Variants in KMT5C observed in about 807,000 individuals in gnomAD.
The protein encoded by KMT5C is histone-lysine N-methyltransferase KMT5C.
In KMT5C, 16 loss-of-function variants were observed where a neutral mutation model predicts 38.2. The observed-to-expected ratio is 0.42, with a 90% CI of 0.28 to 0.64. The LOEUF is 0.64. Ranked by LOEUF, KMT5C falls within the 30% of genes least tolerant of loss-of-function variation. The probability of loss-of-function intolerance (pLI) is 0.23; values close to 1 mark genes in which losing one functional copy is unlikely to be tolerated. For synonymous variants in KMT5C, 291 were observed against 279.0 expected, an observed-to-expected ratio of 1.04 and a Z score of -0.43; for missense variants, 598 against 665.1, an observed-to-expected ratio of 0.90 and a Z score of 1.11.
Position 55,346,609 on chromosome 19 carries a change from G to C in KMT5C, c.817G>C (p.Asp273His). ...ETKRRLQQGL[D>H]SGSRQGLLGP... Reference sequence around the variant, plus strand: ...CAAGCGGCGGCTGCAGCAAGGCCTGGACAGTGGCAGCCGACAGGGCCTGCT... The same window carrying C: ...CAAGCGGCGGCTGCAGCAAGGCCTGCACAGTGGCAGCCGACAGGGCCTGCT... Residue 273 changes from aspartate (D) to histidine (H), a missense_variant, in exon 8 of 9, where the codon GAC (aspartate) becomes CAC (histidine). Physicochemically the swap from Asp to His is moderately conservative, Grantham distance 81. This residue lies in a region of KMT5C where 326 missense variants were observed against 298.1 expected (regional missense o/e 1.09). Coordinates refer to ENST00000255613, the MANE Select transcript of KMT5C (RefSeq NM_032701.4). 1 of 1,573,918 alleles carries C rather than the reference G, an allele frequency of 6.4e-7. No homozygotes were observed. Among genetic ancestry groups the C allele is most frequent in the Non-Finnish European group, 8.6e-7 (1 of 1,160,612 alleles).
In KMT5C at chr19:55,347,670, C is replaced by A; in HGVS notation, c.*221C>A. ...CCACCCCCACTCCCACAGGGAGCCCCGGCCATTTGCTGCCCTCCCCACCCC... is the reference window on the plus strand; with the variant it reads ...CCACCCCCACTCCCACAGGGAGCCCAGGCCATTTGCTGCCCTCCCCACCCC... On this transcript the variant is annotated 3_prime_UTR_variant, in exon 9 of 9. Transcript: ENST00000255613. This position sits in a 1 kb window ranked among gnomAD's most constrained non-coding sequence, Gnocchi z 4.6. 7.3e-6 allele frequency: 5 copies of A among 683,926 alleles called. No individual in the cohort carries two copies. The highest frequency in any genetic ancestry group is 6.6e-6 in the Non-Finnish European group (3 of 453,376). The allele number at this position is 683,926 out of a possible 1,614,324, so 42.4% of individuals were successfully genotyped here.
chr19:55,347,598 C>G lies in KMT5C; in HGVS notation c.*149C>G. 1 of 1,291,222 alleles carries G rather than the reference C, an allele frequency of 7.7e-7. No individual in the cohort carries two copies. The highest frequency in any genetic ancestry group is 1.0e-6 in the Non-Finnish European group (1 of 983,432). The allele number at this position is 1,291,222 out of a possible 1,614,324, so 80.0% of individuals were successfully genotyped here. A position where few individuals can be genotyped will look rare whatever the true frequency, so the allele number is the denominator to read the frequency against. ...CCCTGGAATGGGGTTGGTTTGGACA[C>G]CCCCAGGGATCTGAGCCCTGACCCT... On this transcript the variant is annotated 3_prime_UTR_variant, in exon 9 of 9. Transcript: ENST00000255613. The surrounding 1 kb of genome is among the most constrained non-coding windows in gnomAD (Gnocchi z 4.6).
chr19:55,341,429 G>T (rs947178031), intron 1 of KMT5C, among the ~76,000 whole-genome samples: 16 of 152,214 alleles, frequency 1.1e-4, no homozygotes, highest in Admixed American at 1.0e-3. Flanking sequence ...TCGGGCTGGC[G>T]GGAAGCTTTG....
In KMT5C at chr19:55,344,619, C is replaced by T. The variant is rs1450153941; in HGVS notation, c.570+622C>T. 3 of 487,422 alleles carry T rather than the reference C, an allele frequency of 6.2e-6. 1 individual carries two copies. The highest frequency in any genetic ancestry group is 4.5e-5 in the Admixed American group (2 of 44,780). The allele number at this position is 487,422 out of a possible 1,614,324, so 30.2% of individuals were successfully genotyped here. A position where few individuals can be genotyped will look rare whatever the true frequency, so the allele number is the denominator to read the frequency against. The stretch of plus-strand genomic sequence containing the variant: ...GGGAGTGTGGCAGGGAGGCAGGGCC[C>T]TGTGGTGGGAGCCCCCGGCCTTGCA... On this transcript the variant is annotated intron_variant, in intron 6 of 8. Transcript: ENST00000255613.
Position 55,343,251 on chromosome 19 carries a change from T to C in KMT5C, c.386+400T>C, listed in dbSNP as rs1294153538. ...AGACAAGTCAACATGCAGTCACTGG[T>C]CCCAGCTGGTACATGCTGCAGGGGA... On this transcript the variant is annotated intron_variant, in intron 4 of 8. Transcript: ENST00000255613. This position sits in a 1 kb window ranked among gnomAD's most constrained non-coding sequence, Gnocchi z 5.5. 7 of 307,206 alleles carry C rather than the reference T, an allele frequency of 2.3e-5. No homozygotes were observed. Among genetic ancestry groups the C allele is most frequent in the South Asian group, 7.9e-5 (2 of 25,228 alleles). 19.0% of individuals were successfully genotyped at this position (307,206 alleles called of 1,614,324 possible). A position where few individuals can be genotyped will look rare whatever the true frequency, so the allele number is the denominator to read the frequency against.
chr19:55,347,414 T>A lies in KMT5C; in HGVS notation c.1354T>A (p.Ser452Thr), dbSNP rs762451994. Residue 452 changes from serine (S) to threonine (T), a missense_variant, in exon 9 of 9, where the codon TCC (serine) becomes ACC (threonine). Physicochemically the swap from Ser to Thr is moderately conservative, Grantham distance 58. This residue lies in a region of KMT5C where 326 missense variants were observed against 298.1 expected (regional missense o/e 1.09). Transcript: ENST00000255613. This position sits in a 1 kb window ranked among gnomAD's most constrained non-coding sequence, Gnocchi z 4.6. ...CCTACGGCTGGTGGTCAGCCACGGCTCCATCGACCTGGATGTCGGCGGTGA... is the reference window on the plus strand; with the variant it reads ...CCTACGGCTGGTGGTCAGCCACGGCACCATCGACCTGGATGTCGGCGGTGA... ...KRLRLVVSHG[S>T]IDLDVGGEEL The A allele has an allele frequency of 1.3e-6, 2 of 1,562,346 alleles. No individual in the cohort carries two copies. Among genetic ancestry groups the A allele is most frequent in the Non-Finnish European group, 8.6e-7 (1 of 1,161,220 alleles).
intron 6 of KMT5C, among the ~76,000 whole-genome samples, chr19:55,345,553 C>T (rs953009841): frequency 1.3e-5 from 2 of 152,040 alleles, no homozygotes; most frequent in African/African-American, 4.8e-5. Context: ...GTCTGGGGGC[C>T]GTCAGGCAGG....
In KMT5C at chr19:55,342,879, TC is replaced by T. The variant is rs747863406; in HGVS notation, c.386+30del. ...AAGAGGGCAGGACTCCCTGCAGGTA[TC>T]CTTGGAGGAGACAGAGCTCAGAGGG... On this transcript the variant is annotated intron_variant, in intron 4 of 8. Coordinates refer to ENST00000255613, the MANE Select transcript of KMT5C (RefSeq NM_032701.4). The T allele has an allele frequency of 4.0e-5, 53 of 1,330,040 alleles. No individual in the cohort carries two copies. In the African/African-American group the frequency reaches 6.2e-4, roughly 16 times the overall value. 82.4% of individuals were successfully genotyped at this position (1,330,040 alleles called of 1,614,324 possible). A position where few individuals can be genotyped will look rare whatever the true frequency, so the allele number is the denominator to read the frequency against.
At chr19:55,345,348 C>G (rs1438083340) in intron 6 of KMT5C, among the ~76,000 whole-genome samples, 1 of 152,158 alleles carries the variant, frequency 6.6e-6, no homozygotes, top group Non-Finnish European at 1.5e-5. Flanking sequence ...AAGCTCCCCC[C>G]AGGGTGTATA....
rs1379493168 is a variant in KMT5C at position 55,346,355 on chromosome 19, A to C, written c.707+6A>C. Reference sequence around the variant, plus strand: ...GAATGCCACACCTGTGAGAGGTGGGACCGGGCGAGAGGCGGCTGGGTTCGG... The same window carrying C: ...GAATGCCACACCTGTGAGAGGTGGGCCCGGGCGAGAGGCGGCTGGGTTCGG... On this transcript the variant is annotated splice_donor_region_variant and intron_variant, in intron 7 of 8. Transcript: ENST00000255613. 2 of 1,613,968 alleles carry C rather than the reference A, an allele frequency of 1.2e-6. No homozygotes were observed. Among genetic ancestry groups the C allele is most frequent in the South Asian group, 2.2e-5 (2 of 91,082 alleles).
intron 6 of KMT5C, chr19:55,345,040 C>T (rs1367047052): frequency 4.4e-6 from 2 of 456,038 alleles, no homozygotes; most frequent in Admixed American, 4.7e-5. Flanking sequence ...ACACCACACA[C>T]AGACGCTGGG....
At position 55,343,561 on chromosome 19, in the gene KMT5C, A is replaced by G. The variant is rs898919443; in HGVS notation, c.387-119A>G. ...TCTGGAAGATGGATCGCCAATAGCC[A>G]GCACCAGCGCCCAGGAGTCCCTCCT... is the stretch of plus-strand genomic sequence containing the variant. On this transcript the variant is annotated intron_variant, in intron 4 of 8. Transcript: ENST00000255613. The surrounding 1 kb of genome is among the most constrained non-coding windows in gnomAD (Gnocchi z 5.5). The G allele has an allele frequency of 1.0e-6, 1 of 961,694 alleles. No homozygotes were observed. The highest frequency in any genetic ancestry group is 2.4e-5 in the Admixed American group (1 of 40,906). 59.6% of individuals were successfully genotyped at this position (961,694 alleles called of 1,614,324 possible).
In KMT5C at chr19:55,347,132, C is replaced by T. The variant is rs1335371579; in HGVS notation, c.1072C>T (p.Arg358Ter). 3 of 1,542,396 alleles carry T rather than the reference C, an allele frequency of 1.9e-6. No homozygotes were observed. Among genetic ancestry groups the T allele is most frequent in the Non-Finnish European group, 2.6e-6 (3 of 1,150,782 alleles). ...THHAARVSLH[R>*]WGGCGPHCRL... ...CCACGCTGCCCGCGTCTCCCTGCAC[C>T]GATGGGGAGGCTGTGGCCCCCACTG... The change falls in exon 9 of 9, where the codon CGA becomes TGA. Residue 358 changes from arginine to a stop codon, truncating the protein, a stop_gained. Transcript: ENST00000255613. LOFTEE classifies it high-confidence loss of function. This position sits in a 1 kb window ranked among gnomAD's most constrained non-coding sequence, Gnocchi z 4.6.
intron 6 of KMT5C, chr19:55,345,300 G>A (rs899244380): frequency 3.4e-5 from 12 of 353,562 alleles, no homozygotes; most frequent in African/African-American, 8.6e-5. Context: ...GCTTTGATCC[G>A]GCAGCAAGGC....
intron 2 of KMT5C, 78 bp downstream of exon 2, chr19:55,342,124 C>T: frequency 6.3e-7 from 1 of 1,582,852 alleles, no homozygotes; most frequent in Non-Finnish European, 8.7e-7. Flanking sequence ...CCTCGGCCCT[C>T]TCCTTAGCCT....
rs1217122930 is a variant in KMT5C at position 55,343,790 on chromosome 19, C to G, written c.497C>G (p.Thr166Ser). ...AATGACTTCAGCATCATGTACTCAA[C>G]CCGCAAGCGGAGTGCTCAGCTGTGG... ...GENDFSIMYSTRKRSAQLWLG... is the reference protein window; with the variant it reads ...GENDFSIMYSSRKRSAQLWLG... Residue 166 changes from threonine (T) to serine (S), a missense_variant, in exon 5 of 9, where the codon ACC becomes AGC. Coordinates refer to ENST00000255613, the MANE Select transcript of KMT5C (RefSeq NM_032701.4). This position sits in a 1 kb window ranked among gnomAD's most constrained non-coding sequence, Gnocchi z 5.5. 6.2e-7 allele frequency: 1 copy of G among 1,613,096 alleles called. No homozygotes were observed. Among genetic ancestry groups the G allele is most frequent in the Admixed American group, 1.7e-5 (1 of 59,828 alleles).
Position 55,342,345 on chromosome 19 carries a change from C to A in KMT5C, c.241C>A (p.Arg81=), listed in dbSNP as rs576224733. ...GGWTARYFQS[R]GPRQEAALKT... is the part of the protein sequence containing the mutation. Reference sequence around the variant, plus strand: ...CTGGACGGCCCGCTACTTCCAGAGCCGGGGCCCGCGGCAGGAGGCTGCCCT... The same window carrying A: ...CTGGACGGCCCGCTACTTCCAGAGCAGGGGCCCGCGGCAGGAGGCTGCCCT... Residue 81 remains arginine, a synonymous_variant, in exon 3 of 9, where the codon CGG becomes AGG. Coordinates refer to ENST00000255613, the MANE Select transcript of KMT5C (RefSeq NM_032701.4). The A allele has an allele frequency of 1.5e-5, 23 of 1,548,068 alleles. No homozygotes were observed. Among genetic ancestry groups the A allele is most frequent in the Admixed American group, 7.9e-5 (4 of 50,814 alleles).
In KMT5C at chr19:55,343,660, G is replaced by C; in HGVS notation, c.387-20G>C. The stretch of plus-strand genomic sequence containing the variant: ...GAGGCCAGGCATCGCCCACAGCCCT[G>C]CCCCCTGGCCTCTTGGCAGGAAAAA... On this transcript the variant is annotated intron_variant, in intron 4 of 8. Transcript: ENST00000255613. The surrounding 1 kb of genome is among the most constrained non-coding windows in gnomAD (Gnocchi z 5.5). 6.4e-7 allele frequency: 1 copy of C among 1,550,682 alleles called. No homozygotes were observed. The highest frequency in any genetic ancestry group is 8.7e-7 in the Non-Finnish European group (1 of 1,147,082).
chr19:55,347,434 C>T lies in KMT5C; in HGVS notation c.1374C>T (p.Gly458=), dbSNP rs757249008. 1.4e-5 allele frequency: 21 copies of T among 1,542,276 alleles called. No individual in the cohort carries two copies. The highest frequency in any genetic ancestry group is 4.9e-5 in the South Asian group (4 of 82,184). ...VSHGSIDLDV[G]GEEL is the part of the protein sequence containing the mutation. ...ACGGCTCCATCGACCTGGATGTCGG[C>T]GGTGAAGAGCTGTGACAGGCCGGAC... Residue 458 remains glycine, a synonymous_variant, in exon 9 of 9, where the codon GGC becomes GGT. Transcript: ENST00000255613. This position sits in a 1 kb window ranked among gnomAD's most constrained non-coding sequence, Gnocchi z 4.6.
Sources: allele counts gnomAD v4.1 joint callset (sites outside exome capture counted in the v4.1 genomes callset), GRCh38; gene constraint gnomAD v4.1.1; regional missense constraint gnomAD v4.1.1; non-coding constraint Gnocchi (gnomAD v3.1); transcripts MANE v1.5; gene names NCBI Gene and HGNC (gene_info 2026-07-23, HGNC 2026-07-21).